The following DST variants were observed in gnomAD, a reference collection of about 807,000 sequenced individuals.
DST encodes the protein dystonin, also known as bullous pemphigoid antigen.
A neutral mutation model predicts 875.2 loss-of-function variants in DST; 253 were observed. The observed-to-expected ratio is 0.29, with a 90% CI of 0.26 to 0.32. DST has a LOEUF of 0.32. Ranked by LOEUF, DST falls within the 10% of genes least tolerant of loss-of-function variation. The probability of loss-of-function intolerance (pLI) is 1.00; values close to 1 mark genes in which losing one functional copy is unlikely to be tolerated. For synonymous variants in DST, 3,124 were observed against 3,197.1 expected (o/e 0.98, Z 0.77); for missense variants, 8,287 against 9,111.6 (o/e 0.91, Z 3.68).
At position 56,586,212 on chromosome 6, in the gene DST, T is replaced by A. The variant is rs2098144902; in HGVS notation, c.12903+5970A>T. On this transcript the variant is annotated intron_variant, in intron 49 of 103. Coordinates refer to ENST00000680361, the MANE Select transcript of DST (RefSeq NM_001374736.1). ...ACAGTGGGGTGTTAAAGTCTCCCAT[T>A]ATTATTGTGTGGGAGTCTAAGTCTC... is the stretch of plus-strand genomic sequence containing the variant. 2.0e-5 allele frequency among the ~76,000 whole-genome samples: 3 copies of A among 151,122 alleles called. 1 individual carries two copies. The South Asian group carries it at 6.3e-4, about 32-fold the overall frequency.
intron 3 of DST, among the ~76,000 whole-genome samples, chr6:56,882,071 T>G (rs545072201): frequency 4.6e-5 from 7 of 152,214 alleles, no homozygotes; most frequent in Non-Finnish European, 1.0e-4. Context: ...CAAACGTTTA[T>G]GCTCAATAAT....
chr6:56,665,409 C>A (rs761414446), intron 10 of DST, among the ~76,000 whole-genome samples: 1 of 151,774 alleles, frequency 6.6e-6, no homozygotes, highest in Non-Finnish European at 1.5e-5. Flanking sequence ...TTAAGTTCAT[C>A]GATAATTTTC....
chr6:56,862,709 G>A (rs1274006350), intron 3 of DST, among the ~76,000 whole-genome samples: 3 of 152,126 alleles, frequency 2.0e-5, no homozygotes, highest in East Asian at 1.9e-4. Context: ...TAAATGATGA[G>A]AGCCTGAACT....
intron 31 of DST, 87 bp downstream of exon 31, chr6:56,630,158 T>C: frequency 1.9e-6 from 2 of 1,030,432 alleles, no homozygotes; most frequent in African/African-American, 1.6e-5. Context: ...ATCCAAGATA[T>C]TTAACACTTG....
At position 56,893,570 on chromosome 6, in the gene DST, T is replaced by A. The variant is rs1264883233; in HGVS notation, c.417+6851A>T. ...TAGTCCTACTTTTAGTTCTTTTTTT[T>A]TTTTTTTTTTTTTTTTTATTTTTTT... On this transcript the variant is annotated intron_variant, in intron 3 of 103. Transcript: ENST00000680361. Among the ~76,000 whole-genome samples the A allele has an allele frequency of 2.3e-3, 165 of 70,670 alleles. 8 individuals are homozygous for A. The highest frequency in any genetic ancestry group is 3.4e-3 in the Non-Finnish European group (130 of 37,760). The allele number at this position is 70,670 out of a possible 152,430, so 46.4% of individuals were successfully genotyped here.
chr6:56,646,111 A>T lies in DST; in HGVS notation c.1626T>A (p.Ile542=). 6.5e-7 allele frequency: 1 copy of T among 1,546,968 alleles called. No homozygotes were observed. Among genetic ancestry groups the T allele is most frequent in the Non-Finnish European group, 8.8e-7 (1 of 1,138,680 alleles). The part of the protein sequence containing the change: ...IPPKETEKSK[I]KRLYKLLEIW... ...CCTCTAATAATTTATATAGACGTTT[A>T]ATTTTTGATTTTTCTGTCTCCTTTG... is the stretch of plus-strand genomic sequence containing the variant. The change falls in exon 14 of 104, where the codon ATT becomes ATA. Residue 542 remains isoleucine (I), a synonymous_variant. Transcript: ENST00000680361.
intron 2 of DST, among the ~76,000 whole-genome samples, chr6:56,909,568 T>C (rs1797944588): frequency 6.6e-6 from 1 of 152,200 alleles, no homozygotes. Context: ...TTTGAGCCAA[T>C]GAGTATATAT....
At chr6:56,848,167 A>C (rs1244627111) in intron 4 of DST, among the ~76,000 whole-genome samples, 1 of 152,186 alleles carries the variant, frequency 6.6e-6, no homozygotes. Context: ...ATCTCTTTTG[A>C]AACTATGACT....
chr6:56,887,624 GA>G (rs1358093207), intron 3 of DST, among the ~76,000 whole-genome samples: 9 of 152,120 alleles, frequency 5.9e-5, no homozygotes, highest in Non-Finnish European at 8.8e-5. Context: ...CCTTGGTTTG[GA>G]GATTAAAGAA....
intron 5 of DST, among the ~76,000 whole-genome samples, chr6:56,712,068 G>C (rs1589044799): frequency 8.0e-6 from 1 of 124,980 alleles, no homozygotes. Context: ...TCCAGCCTGG[G>C]CGACAGAGCG....
intron 9 of DST, among the ~76,000 whole-genome samples, chr6:56,682,998 C>T (rs917466195): frequency 4.6e-5 from 7 of 152,330 alleles, no homozygotes; most frequent in Admixed American, 1.3e-4. Flanking sequence ...AAACACTCAA[C>T]TGTTAGTTTC....
intron 2 of DST, among the ~76,000 whole-genome samples, chr6:56,912,246 T>C (rs1799080018): frequency 1.3e-5 from 2 of 152,088 alleles, no homozygotes; most frequent in South Asian, 4.1e-4. Flanking sequence ...AGTCTTGGGG[T>C]CGGGCGCAGC....
At position 56,604,396 on chromosome 6, in the gene DST, A is replaced by G; in HGVS notation, c.10232T>C (p.Met3411Thr). 1 of 1,611,528 alleles carries G rather than the reference A, an allele frequency of 6.2e-7. No homozygotes were observed. Among genetic ancestry groups the G allele is most frequent in the East Asian group, 2.2e-5 (1 of 44,760 alleles). ...EASTVPSDSQ[M>T]SDSSGVSPMT... is the part of the protein sequence containing the mutation. ...GGGGGAAACTCCAGAAGAGTCACTC[A>G]TTTGAGAGTCGCTGGGCACAGTAGA... The change falls in exon 40 of 104, where the codon ATG becomes ACG. Residue 3411 changes from methionine (M) to threonine (T), a missense_variant. This residue lies in a region of DST where 3,138 missense variants were observed against 3,116.6 expected (regional missense o/e 1.01). Transcript: ENST00000680361.
chr6:56,836,864 G>GA (rs536022220), intron 4 of DST, among the ~76,000 whole-genome samples: 28 of 140,366 alleles, frequency 2.0e-4, no homozygotes, highest in South Asian at 4.5e-4. Context: ...AAAAAAAAAA[G>GA]AAAGAAAAAA....
chr6:56,708,655 G>C (rs965031786), intron 5 of DST, among the ~76,000 whole-genome samples: 1 of 152,150 alleles, frequency 6.6e-6, no homozygotes, highest in Non-Finnish European at 1.5e-5. Flanking sequence ...TTATAATACT[G>C]AGTCAGTTTC....
At chr6:56,876,009 C>G (rs530007872) in intron 3 of DST, among the ~76,000 whole-genome samples, 1 of 152,090 alleles carries the variant, frequency 6.6e-6, no homozygotes, top group East Asian at 1.9e-4. Context: ...AATCATTCCA[C>G]GTTGTATTTG....
chr6:56,545,816 T>G (rs745819436), intron 61 of DST, among the ~76,000 whole-genome samples: 1 of 152,190 alleles, frequency 6.6e-6, no homozygotes, highest in Non-Finnish European at 1.5e-5. Flanking sequence ...CTTGGCCTGA[T>G]AGCTCTTGAA....
At position 56,660,873 on chromosome 6, in the gene DST, C is replaced by T. The variant is rs1033986745; in HGVS notation, c.1215-9629G>A. Among the ~76,000 whole-genome samples, 163 of 151,718 alleles carry T rather than the reference C, an allele frequency of 1.1e-3. 1 individual carries two copies. The highest frequency in any genetic ancestry group is 4.4e-4 in the Non-Finnish European group (30 of 68,004). On this transcript the variant is annotated intron_variant, in intron 10 of 103. Transcript: ENST00000680361. ...GACTCTCCATTAACAACAAGGTAGACAGCAAAGATGAGAAACAGTATATTT... is the reference window on the plus strand; with the variant it reads ...GACTCTCCATTAACAACAAGGTAGATAGCAAAGATGAGAAACAGTATATTT...
At position 56,666,030 on chromosome 6, in the gene DST, A is replaced by G. The variant is rs1053885847; in HGVS notation, c.1214+4611T>C. 2.0e-5 allele frequency among the ~76,000 whole-genome samples: 3 copies of G among 152,202 alleles called. No individual in the cohort carries two copies. In the South Asian group the frequency reaches 6.2e-4, roughly 32 times the overall value. ...CTTCATGGATCATTTTTATTCTGTAACATCTATAAATTACACTTATTATAA... is the reference window on the plus strand; with the variant it reads ...CTTCATGGATCATTTTTATTCTGTAGCATCTATAAATTACACTTATTATAA... On this transcript the variant is annotated intron_variant, in intron 10 of 103. Coordinates refer to ENST00000680361, the MANE Select transcript of DST (RefSeq NM_001374736.1).
Sources: allele counts gnomAD v4.1 joint callset (sites outside exome capture counted in the v4.1 genomes callset), GRCh38; gene constraint gnomAD v4.1.1; regional missense constraint gnomAD v4.1.1; transcripts MANE v1.5; gene names NCBI Gene and HGNC (gene_info 2026-07-23, HGNC 2026-07-21).